Variants in UCHL5 observed in about 807,000 individuals in gnomAD.
UCHL5 encodes the protein ubiquitin C-terminal hydrolase L5.
Under a neutral mutation model 53.8 loss-of-function variants are expected in UCHL5, and 34 were observed. That is an observed-to-expected ratio of 0.63 (90% CI 0.48 to 0.84). The LOEUF is 0.84. Ranked by LOEUF, UCHL5 falls within the 40% of genes least tolerant of loss-of-function variation. UCHL5 has a pLI of 0.00. For synonymous variants in UCHL5, 111 were observed against 126.3 expected, an observed-to-expected ratio of 0.88 and a Z score of 0.81; for missense variants, 290 against 385.6, an observed-to-expected ratio of 0.75 and a Z score of 2.08.
chr1:193,040,084 G>A (rs896840787), intron 3 of UCHL5, among the ~76,000 whole-genome samples: 6 of 152,002 alleles, frequency 3.9e-5, no homozygotes, highest in African/African-American at 9.7e-5. Flanking sequence ...ACACTGGTCG[G>A]GGCAAAAATT....
Position 193,023,003 on chromosome 1 carries a change from A to G in UCHL5, c.766T>C (p.Leu256=). The G allele has an allele frequency of 6.2e-7, 1 of 1,613,382 alleles. No individual in the cohort carries two copies. The highest frequency in any genetic ancestry group is 1.1e-5 in the South Asian group (1 of 91,068). ...GCAACTTCTGACTGAATAGCACTTA[A>G]CATACTATTACCTTGATCTGTATCC... ...PMDTDQGNSM[L]SAIQSEVAKN... Residue 256 remains leucine (L), a synonymous_variant, in exon 9 of 11, where the codon TTA becomes CTA. Transcript: ENST00000367454.
chr1:193,017,864 G>A (rs1655401562), intron 10 of UCHL5, among the ~76,000 whole-genome samples: 1 of 151,328 alleles, frequency 6.6e-6, no homozygotes, highest in Admixed American at 6.6e-5. Context: ...TTACAGATGA[G>A]AAAGAGGTTA....
chr1:193,029,187 ATCGGTCCTTC>A lies in UCHL5; in HGVS notation c.547_556del (p.Glu183LeufsTer3). The A allele has an allele frequency of 6.2e-7, 1 of 1,612,334 alleles. No homozygotes were observed. Among genetic ancestry groups the A allele is most frequent in the Non-Finnish European group, 8.5e-7 (1 of 1,179,412 alleles). ...AACAGGAACTGCATTACCTAAATCAATCGGTCCTTCTCTTAATCCATCTAATTCATACAGT... is the reference window on the plus strand; with the variant it reads ...AACAGGAACTGCATTACCTAAATCAATCTTAATCCATCTAATTCATACAGT... On this transcript the variant is annotated frameshift_variant, in exon 6 of 11. Transcript: ENST00000367454. LOFTEE classifies it high-confidence loss of function.
intron 3 of UCHL5, among the ~76,000 whole-genome samples, chr1:193,037,140 A>G (rs1250626961): frequency 6.6e-6 from 1 of 152,022 alleles, no homozygotes; most frequent in East Asian, 1.9e-4. Context: ...AAGAAATAAT[A>G]AAGATCAGAG....
chr1:193,017,049 A>T (rs1655109393), intron 10 of UCHL5, among the ~76,000 whole-genome samples: 1 of 151,820 alleles, frequency 6.6e-6, no homozygotes, highest in African/African-American at 2.4e-5. Context: ...TCCTCAATAC[A>T]GATCAAAGAC....
intron 2 of UCHL5, among the ~76,000 whole-genome samples, chr1:193,050,481 C>T (rs965169901): frequency 6.6e-6 from 1 of 152,140 alleles, no homozygotes; most frequent in Non-Finnish European, 1.5e-5. Flanking sequence ...GCCTGTAATT[C>T]CAGCACTTTG....
rs200856721 is a variant in UCHL5 at position 193,025,193 on chromosome 1, GT to G, written c.630-1248del. Among the ~76,000 whole-genome samples, 479 of 152,218 alleles carry G rather than the reference GT, an allele frequency of 3.1e-3. 1 individual carries two copies. Among genetic ancestry groups the G allele is most frequent in the African/African-American group, 9.1e-3 (378 of 41,520 alleles). ...TGCTCTCTCTAGCCAAATAGAAAAG[GT>G]GCAGCCTCAGAAGACAGAAAACTTT... On this transcript the variant is annotated intron_variant, in intron 7 of 10. Transcript: ENST00000367454.
chr1:193,029,739 A>T lies in UCHL5; in HGVS notation c.247-82T>A, dbSNP rs919641324. 172 of 1,087,032 alleles carry T rather than the reference A, an allele frequency of 1.6e-4. 2 individuals carry two copies. Among genetic ancestry groups the T allele is most frequent in the Non-Finnish European group, 5.2e-6 (4 of 771,274 alleles). 67.3% of individuals were successfully genotyped at this position (1,087,032 alleles called of 1,614,324 possible). A position where few individuals can be genotyped will look rare whatever the true frequency, so the allele number is the denominator to read the frequency against. On this transcript the variant is annotated intron_variant, in intron 3 of 10. Transcript: ENST00000367454. ...TAACTGGTGACAATGGCCCCAAAAC[A>T]TGAACAGTTTTCAAATTATATTTTA...
intron 10 of UCHL5, chr1:193,019,885 T>G (rs1656287609): frequency 1.0e-6 from 1 of 965,500 alleles, no homozygotes; most frequent in Non-Finnish European, 1.2e-6. Context: ...TTTATCTAAC[T>G]TAAAATCTGA....
chr1:193,058,589 G>A (rs895058262), intron 1 of UCHL5, among the ~76,000 whole-genome samples: 1 of 152,244 alleles, frequency 6.6e-6, no homozygotes, highest in African/African-American at 2.4e-5. Context: ...TCACTTCACC[G>A]GAAGCCAGAA....
At chr1:193,042,801 A>G (rs1177447094) in intron 3 of UCHL5, among the ~76,000 whole-genome samples, 1 of 152,214 alleles carries the variant, frequency 6.6e-6, no homozygotes, top group Non-Finnish European at 1.5e-5. Context: ...AGTCTCAATC[A>G]CAGCCTAAAA....
intron 3 of UCHL5, among the ~76,000 whole-genome samples, chr1:193,031,239 G>A (rs975648521): frequency 6.6e-6 from 1 of 152,092 alleles, no homozygotes; most frequent in Non-Finnish European, 1.5e-5. Context: ...ATAGCACAGT[G>A]GGAGGAGTAA....
chr1:193,048,901 T>C lies in UCHL5; in HGVS notation c.246+845A>G, dbSNP rs181666985. Reference sequence around the variant, plus strand: ...TCTATTCATAATTCTTTTTTTCTTATTTTTTTGAGACAGGGTCAAGCTCTG... The same window carrying C: ...TCTATTCATAATTCTTTTTTTCTTACTTTTTTGAGACAGGGTCAAGCTCTG... On this transcript the variant is annotated intron_variant, in intron 3 of 10. Transcript: ENST00000367454. 1.3e-4 allele frequency among the ~76,000 whole-genome samples: 20 copies of C among 152,278 alleles called. No individual in the cohort carries two copies. The East Asian group carries it at 3.1e-3, about 23-fold the overall frequency.
rs551489459 is a variant in UCHL5 at position 193,014,550 on chromosome 1, G to A, written c.*1801C>T. ...CCCCCAAGTCACAAAAATATCATCT[G>A]TTTTCAGTTAAAAAGCTTCATACTT... is the stretch of plus-strand genomic sequence containing the variant. On this transcript the variant is annotated 3_prime_UTR_variant, in exon 11 of 11. Coordinates refer to ENST00000367454, the MANE Select transcript of UCHL5 (RefSeq NM_001199261.3). The A allele has an allele frequency of 1.3e-5, 2 of 152,140 alleles. No homozygotes were observed. The highest frequency in any genetic ancestry group is 4.1e-4 in the South Asian group (2 of 4,824). 9.4% of individuals were successfully genotyped at this position (152,140 alleles called of 1,614,324 possible). A position where few individuals can be genotyped will look rare whatever the true frequency, so the allele number is the denominator to read the frequency against.
intron 8 of UCHL5, 140 bp downstream of exon 8, chr1:193,023,704 C>T (rs1378698945): frequency 7.8e-6 from 5 of 643,534 alleles, no homozygotes; most frequent in Middle Eastern, 3.3e-4. Context: ...AGCCAGGAAC[C>T]GAATCTAGGC....
upstream of UCHL5, chr1:193,060,036 C>T (rs1280111933): frequency 5.9e-6 from 8 of 1,346,838 alleles, no homozygotes; most frequent in African/African-American, 1.5e-5. Context: ...GGGACCGCTC[C>T]TGCTTGTCGG....
At position 193,014,123 on chromosome 1, in the gene UCHL5, A is replaced by G. The variant is rs2102212444; in HGVS notation, c.*2228T>C. 6.6e-6 allele frequency: 1 copy of G among 152,300 alleles called. No individual in the cohort carries two copies. Among genetic ancestry groups the G allele is most frequent in the Middle Eastern group, 3.4e-3 (1 of 294 alleles). The allele number at this position is 152,300 out of a possible 1,614,324, so 9.4% of individuals were successfully genotyped here. ...AATATCATTTAAAAAAAACTTTCCAAATAGCATTTATCTATTTATGGGTTG... is the reference window on the plus strand; with the variant it reads ...AATATCATTTAAAAAAAACTTTCCAGATAGCATTTATCTATTTATGGGTTG... On this transcript the variant is annotated 3_prime_UTR_variant, in exon 11 of 11. Transcript: ENST00000367454.
intron 7 of UCHL5, among the ~76,000 whole-genome samples, chr1:193,025,298 A>T (rs1185250347): frequency 6.6e-6 from 1 of 152,258 alleles, no homozygotes; most frequent in Non-Finnish European, 1.5e-5. Context: ...CAGTAAAAGC[A>T]GAATAGAGAG....
chr1:193,033,857 G>C (rs1044800275), intron 3 of UCHL5, among the ~76,000 whole-genome samples: 6 of 152,150 alleles, frequency 3.9e-5, no homozygotes, highest in African/African-American at 1.4e-4. Flanking sequence ...CTAGAGAATA[G>C]AGAAGGAAAT....
Sources: gnomAD v4.1 joint callset for allele counts (sites outside exome capture counted in the v4.1 genomes callset) on GRCh38, gnomAD v4.1.1 for gene constraint, MANE v1.5 for transcripts, NCBI Gene and HGNC (gene_info 2026-07-23, HGNC 2026-07-21) for gene names.